Variants in TNKS observed in about 807,000 individuals in gnomAD.
TNKS encodes poly [ADP-ribose] polymerase tankyrase-1.
Under a neutral mutation model 135.8 loss-of-function variants are expected in TNKS, and 72 were observed. That is an observed-to-expected ratio of 0.53 (90% confidence interval 0.44 to 0.64). TNKS has a LOEUF of 0.64. Ranked by LOEUF, TNKS falls within the 30% of genes least tolerant of loss-of-function variation. TNKS has a pLI of 0.00. For synonymous variants in TNKS, 849 were observed against 649.3 expected, an observed-to-expected ratio of 1.31 and a Z score of -4.68; for missense variants, 1,769 against 1,674.0, an observed-to-expected ratio of 1.06 and a Z score of -0.99.
In TNKS at chr8:9,766,430, G is replaced by A; in HGVS notation, c.3740+5G>A. On this transcript the variant is annotated splice_donor_5th_base_variant and intron_variant, in intron 25 of 26. Coordinates refer to ENST00000310430, the MANE Select transcript of TNKS (RefSeq NM_003747.3). ...GTCATGCTATATATGTCACAGGTAAGCATCTTGCCATTAGTGTAACGTTTC... is the reference window on the plus strand; with the variant it reads ...GTCATGCTATATATGTCACAGGTAAACATCTTGCCATTAGTGTAACGTTTC... 1 of 1,548,580 alleles carries A rather than the reference G, an allele frequency of 6.5e-7. No homozygotes were observed. The highest frequency in any genetic ancestry group is 8.8e-7 in the Non-Finnish European group (1 of 1,142,762).
At chr8:9,604,266 A>G (rs1799134383) in intron 2 of TNKS, among the ~76,000 whole-genome samples, 1 of 152,106 alleles carries the variant, frequency 6.6e-6, no homozygotes, top group South Asian at 2.1e-4. Context: ...TTTTGTACAT[A>G]TACTACTGTA....
At chr8:9,767,017 C>T (rs756555087) in intron 25 of TNKS, among the ~76,000 whole-genome samples, 4 of 152,186 alleles carry the variant, frequency 2.6e-5, no homozygotes, top group Non-Finnish European at 5.9e-5. Context: ...TTTTCTTCCT[C>T]TGTAATCAGA....
In TNKS at chr8:9,642,565, T is replaced by G. The variant is rs1170882057; in HGVS notation, c.994+26888T>G. Reference sequence around the variant, plus strand: ...AGTCATGAACCATTTAGTTACATAATTTGTTAGACTTTTTCATAATGTTTT... The same window carrying G: ...AGTCATGAACCATTTAGTTACATAAGTTGTTAGACTTTTTCATAATGTTTT... On this transcript the variant is annotated intron_variant, in intron 3 of 26. Coordinates refer to ENST00000310430, the MANE Select transcript of TNKS (RefSeq NM_003747.3). Among the ~76,000 whole-genome samples, 6 of 146,406 alleles carry G rather than the reference T, an allele frequency of 4.1e-5. 2 individuals carry two copies. Among genetic ancestry groups the G allele is most frequent in the African/African-American group, 1.0e-4 (4 of 39,600 alleles).
chr8:9,563,211 G>C (rs892706996), intron 1 of TNKS, among the ~76,000 whole-genome samples: 4 of 151,898 alleles, frequency 2.6e-5, no homozygotes, highest in African/African-American at 7.3e-5. Flanking sequence ...ATAAGCTCTT[G>C]TACCCATTAA....
At chr8:9,740,811 T>C (rs186205351) in intron 17 of TNKS, 2 of 147,380 alleles carry the variant, frequency 1.4e-5, no homozygotes. Flanking sequence ...TATACATTTA[T>C]ATGTAATTCT....
At position 9,763,105 on chromosome 8, in the gene TNKS, G is replaced by A. The variant is rs774334396; in HGVS notation, c.3275-42G>A. On this transcript the variant is annotated intron_variant, in intron 21 of 26. Transcript: ENST00000310430. ...TTTTTTATAAAATAGAGCCTGAGTAGTGTAGACTTTTGTTTTATATGTTAA... is the reference window on the plus strand; with the variant it reads ...TTTTTTATAAAATAGAGCCTGAGTAATGTAGACTTTTGTTTTATATGTTAA... The A allele has an allele frequency of 6.0e-6, 5 of 837,004 alleles. No individual in the cohort carries two copies. In the African/African-American group the frequency reaches 7.1e-5, roughly 12 times the overall value. 51.8% of individuals were successfully genotyped at this position (837,004 alleles called of 1,614,324 possible).
chr8:9,630,054 A>C (rs4380943), intron 3 of TNKS, among the ~76,000 whole-genome samples: 1 of 152,038 alleles, frequency 6.6e-6, no homozygotes, highest in African/African-American at 2.4e-5. Context: ...TGACCTCTCA[A>C]ATGGGCTAGT....
At chr8:9,676,300 A>G (rs1287728836) in intron 3 of TNKS, among the ~76,000 whole-genome samples, 1 of 152,152 alleles carries the variant, frequency 6.6e-6, no homozygotes, top group Non-Finnish European at 1.5e-5. Flanking sequence ...GGTGTGAGCC[A>G]CCATGCCTGG....
chr8:9,706,691 A>T (rs1301453213), intron 7 of TNKS, 120 bp from the exon 8 acceptor site: 8 of 961,388 alleles, frequency 8.3e-6, no homozygotes, highest in Non-Finnish European at 1.2e-5. Flanking sequence ...ATATTGAAGA[A>T]ATTAAAACAC....
intron 3 of TNKS, among the ~76,000 whole-genome samples, chr8:9,679,562 T>C (rs1304920415): frequency 6.6e-6 from 1 of 152,170 alleles, no homozygotes. Context: ...AGCCACATTA[T>C]TTTGCTTTTG....
intron 2 of TNKS, among the ~76,000 whole-genome samples, chr8:9,584,681 A>G (rs1227714291): frequency 1.3e-5 from 2 of 152,218 alleles, no homozygotes. Flanking sequence ...GGGGCTTCTA[A>G]ACTGATAAAT....
intron 2 of TNKS, among the ~76,000 whole-genome samples, chr8:9,614,041 T>A (rs1799553141): frequency 6.6e-6 from 1 of 152,240 alleles, no homozygotes; most frequent in African/African-American, 2.4e-5. Flanking sequence ...ATGTGATCAC[T>A]CAGCAACTAA....
chr8:9,755,952 A>G lies in TNKS; in HGVS notation c.3153+3326A>G, dbSNP rs539422326. Among the ~76,000 whole-genome samples, 87 of 152,324 alleles carry G rather than the reference A, an allele frequency of 5.7e-4. No individual in the cohort carries two copies. The South Asian group carries it at 0.016, about 29-fold the overall frequency. On this transcript the variant is annotated intron_variant, in intron 20 of 26. Coordinates refer to ENST00000310430, the MANE Select transcript of TNKS (RefSeq NM_003747.3). ...ACTTTGCCAAGTTCTATGTTGAATA[A>G]TATAGTATCCTTTCTAGTTAATGAA...
chr8:9,583,652 C>T (rs940398204), intron 2 of TNKS, among the ~76,000 whole-genome samples: 1 of 151,848 alleles, frequency 6.6e-6, no homozygotes, highest in Non-Finnish European at 1.5e-5. Context: ...CCATTCCCAG[C>T]TAAGTTTTGT....
At chr8:9,674,890 T>C (rs987719860) in intron 3 of TNKS, among the ~76,000 whole-genome samples, 1 of 152,202 alleles carries the variant, frequency 6.6e-6, no homozygotes, top group African/African-American at 2.4e-5. Flanking sequence ...CTAGACTTAA[T>C]TGGTGGTATG....
intron 2 of TNKS, among the ~76,000 whole-genome samples, chr8:9,612,137 C>G (rs1443157236): frequency 6.6e-6 from 1 of 152,062 alleles, no homozygotes; most frequent in Non-Finnish European, 1.5e-5. Context: ...AGAACTGAGG[C>G]CCAGAGAATT....
intron 23 of TNKS, 106 bp downstream of exon 23, chr8:9,764,896 A>G: frequency 1.2e-6 from 1 of 833,198 alleles, no homozygotes; most frequent in Non-Finnish European, 1.8e-6. Flanking sequence ...AAACTGTGAA[A>G]GATAATTCGT....
At chr8:9,749,980 C>A (rs1806435665) in intron 18 of TNKS, among the ~76,000 whole-genome samples, 1 of 152,114 alleles carries the variant, frequency 6.6e-6, no homozygotes, top group South Asian at 2.1e-4. Context: ...TTTTGGATTT[C>A]CCATCAAATT....
intron 3 of TNKS, among the ~76,000 whole-genome samples, chr8:9,626,566 TG>T (rs1345361702): frequency 6.6e-6 from 1 of 152,232 alleles, no homozygotes; most frequent in Non-Finnish European, 1.5e-5. Flanking sequence ...AGTGATTTTC[TG>T]TTGAAACCTA....
Sources: gnomAD v4.1 joint callset for allele counts (sites outside exome capture counted in the v4.1 genomes callset) on GRCh38, gnomAD v4.1.1 for gene constraint, MANE v1.5 for transcripts, NCBI Gene and HGNC (gene_info 2026-07-23, HGNC 2026-07-21) for gene names.